Variants in RFX3 observed in about 807,000 individuals in gnomAD.
RFX3 encodes the protein transcription factor RFX3.
A neutral mutation model predicts 98.6 loss-of-function variants in RFX3; 14 were observed. That is an observed-to-expected ratio of 0.14 (90% confidence interval 0.09 to 0.22). RFX3 has a LOEUF of 0.22. Ranked by LOEUF, RFX3 falls within the 10% of genes least tolerant of loss-of-function variation. The pLI, the probability that RFX3 is intolerant of heterozygous loss-of-function variation, is 1.00. For missense variants in RFX3, 639 were observed against 926.9 expected (o/e 0.69, Z 4.03); for synonymous variants, 383 against 328.4 (o/e 1.17, Z -1.80).
In RFX3 at chr9:3,221,925, T is replaced by C. The variant is rs1288473520; in HGVS notation, c.*3117A>G. On this transcript the variant is annotated 3_prime_UTR_variant, in exon 17 of 17. Transcript: ENST00000617270. ...TTTCATGACTAGTGATTGGTTATAA[T>C]TGCAAGAAATACAAAGAAGTCTTAA... 6.6e-6 allele frequency: 1 copy of C among 152,154 alleles called. No individual in the cohort carries two copies. Among genetic ancestry groups the C allele is most frequent in the East Asian group, 1.9e-4 (1 of 5,202 alleles). The allele number at this position is 152,154 out of a possible 1,614,324, so 9.4% of individuals were successfully genotyped here. A position where few individuals can be genotyped will look rare whatever the true frequency, so the allele number is the denominator to read the frequency against.
chr9:3,484,910 A>G (rs928105559), intron 1 of RFX3, among the ~76,000 whole-genome samples: 1 of 135,842 alleles, frequency 7.4e-6, no homozygotes, highest in Non-Finnish European at 1.6e-5. Context: ...ATAGGGAGAC[A>G]CCCCCCCCCA....
intron 15 of RFX3, among the ~76,000 whole-genome samples, chr9:3,238,679 T>C (rs780702069): frequency 6.6e-6 from 1 of 152,206 alleles, no homozygotes; most frequent in Non-Finnish European, 1.5e-5. Flanking sequence ...TTCTGAATTT[T>C]ACAAATAATA....
chr9:3,316,772 C>T (rs1209247165), intron 4 of RFX3, among the ~76,000 whole-genome samples: 2 of 152,106 alleles, frequency 1.3e-5, no homozygotes, highest in African/African-American at 4.8e-5. Context: ...TTCACAATTG[C>T]ATCAAAGAGA....
At chr9:3,243,342 A>AAC (rs1554631756) in intron 15 of RFX3, among the ~76,000 whole-genome samples, 8 of 150,878 alleles carry the variant, frequency 5.3e-5, no homozygotes, top group Non-Finnish European at 1.2e-4. Flanking sequence ...AAAAAAAAAA[A>AAC]CTCTAGAATT....
intron 1 of RFX3, among the ~76,000 whole-genome samples, chr9:3,461,764 T>C (rs751326601): frequency 2.6e-5 from 4 of 151,998 alleles, no homozygotes; most frequent in African/African-American, 9.7e-5. Context: ...CTATGGCTTA[T>C]TGATATTAAA....
chr9:3,452,318 C>A, intron 1 of RFX3: 1 of 260,692 alleles, frequency 3.8e-6, no homozygotes, highest in Admixed American at 4.1e-5. Context: ...TGGCCAGGCA[C>A]ATTGGCTCAT....
intron 2 of RFX3, among the ~76,000 whole-genome samples, chr9:3,368,485 T>C (rs1482073995): frequency 6.6e-6 from 1 of 152,178 alleles, no homozygotes. Context: ...AGTTAAGTTT[T>C]AGAATCTTAA....
At chr9:3,382,904 A>C (rs1194454997) in intron 2 of RFX3, among the ~76,000 whole-genome samples, 1 of 152,170 alleles carries the variant, frequency 6.6e-6, no homozygotes, top group Non-Finnish European at 1.5e-5. Context: ...TAGAATATAT[A>C]TGGCAAAGTT....
intron 1 of RFX3, 45 bp from the exon 2 acceptor site, chr9:3,395,641 G>C (rs1840779666): frequency 6.3e-7 from 1 of 1,595,426 alleles, no homozygotes; most frequent in Non-Finnish European, 8.6e-7. Context: ...TGTCACTCCT[G>C]CATGACTAGC....
intron 13 of RFX3, among the ~76,000 whole-genome samples, chr9:3,258,829 G>A (rs1027681238): frequency 6.6e-6 from 1 of 151,026 alleles, no homozygotes; most frequent in Admixed American, 6.6e-5. Context: ...TATTATTTAT[G>A]CATACATTTA....
chr9:3,266,357 A>G (rs978665657), intron 11 of RFX3, 52 bp from the exon 12 acceptor site: 1 of 1,179,560 alleles, frequency 8.5e-7, no homozygotes, highest in Admixed American at 1.8e-5. Context: ...AAGAATATTA[A>G]TGTTTGTGCT....
chr9:3,509,519 T>A (rs949383712), intron 1 of RFX3, among the ~76,000 whole-genome samples: 1 of 151,950 alleles, frequency 6.6e-6, no homozygotes. Flanking sequence ...AAATATACAA[T>A]ATTTTTCTTT....
intron 1 of RFX3, among the ~76,000 whole-genome samples, chr9:3,400,639 G>A (rs1227677455): frequency 2.6e-5 from 4 of 152,192 alleles, no homozygotes; most frequent in African/African-American, 9.7e-5. Flanking sequence ...AGCCTTGACA[G>A]AGAGGCTCTC....
chr9:3,463,174 TG>T, intron 1 of RFX3, among the ~76,000 whole-genome samples: 1 of 152,282 alleles, frequency 6.6e-6, no homozygotes, highest in Non-Finnish European at 1.5e-5. Context: ...AATAGGGTAT[TG>T]TCATAAAGAC....
At chr9:3,499,828 T>A (rs1310576677) in intron 1 of RFX3, among the ~76,000 whole-genome samples, 3 of 152,186 alleles carry the variant, frequency 2.0e-5, no homozygotes, top group Admixed American at 6.5e-5. Context: ...ATATTTTTGC[T>A]ATATTAATAT....
At chr9:3,452,873 G>T (rs1255981498) in intron 1 of RFX3, among the ~76,000 whole-genome samples, 1 of 152,138 alleles carries the variant, frequency 6.6e-6, no homozygotes, top group Non-Finnish European at 1.5e-5. Flanking sequence ...TAGTACCATA[G>T]AAAGTAGCAT....
chr9:3,462,757 A>T (rs1176251118), intron 1 of RFX3, among the ~76,000 whole-genome samples: 2 of 152,134 alleles, frequency 1.3e-5, no homozygotes, highest in Admixed American at 1.3e-4. Context: ...GTCATATTGT[A>T]TTTAAATACT....
chr9:3,487,938 G>A (rs1283523752), intron 1 of RFX3, among the ~76,000 whole-genome samples: 1 of 152,040 alleles, frequency 6.6e-6, no homozygotes, highest in African/African-American at 2.4e-5. Context: ...TTACTGTTGG[G>A]AAAAGCTAAA....
At chr9:3,427,954 G>A (rs1173029331) in intron 1 of RFX3, among the ~76,000 whole-genome samples, 1 of 152,052 alleles carries the variant, frequency 6.6e-6, no homozygotes, top group Non-Finnish European at 1.5e-5. Context: ...CAGCTCAGAG[G>A]TGCCACTGTT....
Sources: allele counts gnomAD v4.1 joint callset (sites outside exome capture counted in the v4.1 genomes callset), GRCh38; gene constraint gnomAD v4.1.1; transcripts MANE v1.5; gene names NCBI Gene and HGNC (gene_info 2026-07-23, HGNC 2026-07-21).